Variants in C15orf40 observed in about 807,000 individuals in gnomAD.
The protein encoded by C15orf40 is chromosome 15 open reading frame 40.
C15orf40 carries 9 observed loss-of-function variants against 13.9 expected under a neutral mutation model. That is an observed-to-expected ratio of 0.65 (90% CI 0.39 to 1.13). The LOEUF is 1.13. Ranked by LOEUF, C15orf40 falls within the 50% of genes most tolerant of loss-of-function variation. The pLI is 0.01. For missense variants in C15orf40, 225 were observed against 188.5 expected (o/e 1.19, Z -1.13); for synonymous variants, 95 against 69.2 (o/e 1.37, Z -1.85).
intron 2 of C15orf40, among the ~76,000 whole-genome samples, chr15:83,009,029 A>G (rs1043790936): frequency 6.6e-6 from 1 of 152,190 alleles, no homozygotes; most frequent in Non-Finnish European, 1.5e-5. Flanking sequence ...AGCCTCATCA[A>G]TGTCACTGAA....
At chr15:83,007,477 T>C (rs935530136) in intron 3 of C15orf40, among the ~76,000 whole-genome samples, 1 of 152,190 alleles carries the variant, frequency 6.6e-6, no homozygotes, top group Non-Finnish European at 1.5e-5. Flanking sequence ...GGAGACTAAA[T>C]AGGAAGAATT....
In C15orf40 at chr15:83,010,690, A is replaced by G. The variant is rs1430408296; in HGVS notation, c.112-327T>C. On this transcript the variant is annotated intron_variant, in intron 1 of 3. Coordinates refer to ENST00000304177, the MANE Select transcript of C15orf40 (RefSeq NM_144597.3). Reference sequence around the variant, plus strand: ...GGGATCATTTATTATTCATCATTGTATCTCATGCAGTCGGAGCTAATAAAT... The same window carrying G: ...GGGATCATTTATTATTCATCATTGTGTCTCATGCAGTCGGAGCTAATAAAT... 5 of 229,536 alleles carry G rather than the reference A, an allele frequency of 2.2e-5. No homozygotes were observed. The East Asian group carries it at 5.4e-4, about 25-fold the overall frequency. 14.2% of individuals were successfully genotyped at this position (229,536 alleles called of 1,614,324 possible). A position where few individuals can be genotyped will look rare whatever the true frequency, so the allele number is the denominator to read the frequency against.
rs1418307530 is a variant in C15orf40 at position 82,996,744 on chromosome 15, G to A, written c.*8853C>T. 1.3e-5 allele frequency: 2 copies of A among 151,662 alleles called. No individual in the cohort carries two copies. The highest frequency in any genetic ancestry group is 2.4e-5 in the African/African-American group (1 of 41,380). The allele number at this position is 151,662 out of a possible 1,614,324, so 9.4% of individuals were successfully genotyped here. A position where few individuals can be genotyped will look rare whatever the true frequency, so the allele number is the denominator to read the frequency against. On this transcript the variant is annotated 3_prime_UTR_variant, in exon 4 of 4. Transcript: ENST00000304177. The stretch of plus-strand genomic sequence containing the variant: ...ATTTTGGCTGGATGCAGTGGTTCAC[G>A]CCTGTAATCCCAGTAATTTGGGAGG...
intron 2 of C15orf40, among the ~76,000 whole-genome samples, chr15:83,009,048 T>C (rs1364318782): frequency 1.3e-5 from 2 of 152,148 alleles, no homozygotes; most frequent in African/African-American, 4.8e-5. Context: ...AAGAAGTGTA[T>C]GGACAGGGCA....
chr15:82,990,010 T>G (rs780271255), downstream of C15orf40: 1 of 1,582,116 alleles, frequency 6.3e-7, no homozygotes, highest in South Asian at 1.1e-5. Flanking sequence ...AACCTTACTA[T>G]CCCCAGCAAT....
chr15:83,003,803 A>T lies in C15orf40; in HGVS notation c.*1794T>A, dbSNP rs1238037518. 1 of 152,148 alleles carries T rather than the reference A, an allele frequency of 6.6e-6. No homozygotes were observed. Among genetic ancestry groups the T allele is most frequent in the Non-Finnish European group, 1.5e-5 (1 of 68,068 alleles). The allele number at this position is 152,148 out of a possible 1,614,324, so 9.4% of individuals were successfully genotyped here. A position where few individuals can be genotyped will look rare whatever the true frequency, so the allele number is the denominator to read the frequency against. ...ACTCTTGTCGCCGAGGCTGGAGTGCAGTGGCACCGTGTGGGCTCACTGCAA... is the reference window on the plus strand; with the variant it reads ...ACTCTTGTCGCCGAGGCTGGAGTGCTGTGGCACCGTGTGGGCTCACTGCAA... On this transcript the variant is annotated 3_prime_UTR_variant, in exon 4 of 4. Coordinates refer to ENST00000304177, the MANE Select transcript of C15orf40 (RefSeq NM_144597.3).
rs1256001107 is a variant in C15orf40 at position 83,003,539 on chromosome 15, G to A, written c.*2058C>T. The A allele has an allele frequency of 6.6e-6, 1 of 152,206 alleles. No homozygotes were observed. The highest frequency in any genetic ancestry group is 2.4e-5 in the African/African-American group (1 of 41,438). The allele number at this position is 152,206 out of a possible 1,614,324, so 9.4% of individuals were successfully genotyped here. ...CATGGCAATGGTCTTGAGAAAGAGT[G>A]GGAAAAGCTCTTAAGACCATGTAAA... is the stretch of plus-strand genomic sequence containing the variant. On this transcript the variant is annotated 3_prime_UTR_variant, in exon 4 of 4. Coordinates refer to ENST00000304177, the MANE Select transcript of C15orf40 (RefSeq NM_144597.3).
chr15:82,989,401 GTTTT>G (rs1166539956), downstream of C15orf40, among the ~76,000 whole-genome samples: 1 of 152,078 alleles, frequency 6.6e-6, no homozygotes, highest in Admixed American at 6.6e-5. Flanking sequence ...AAGTGCGTGT[GTTTT>G]TTTGTTTTTA....
intron 3 of C15orf40, chr15:83,008,240 C>T (rs1057001039): frequency 3.1e-5 from 8 of 255,298 alleles, no homozygotes; most frequent in Non-Finnish European, 6.1e-5. Flanking sequence ...GAGAGACCTC[C>T]GGGCATGGTG....
At chr15:82,990,540 T>C (rs1199449336), downstream of C15orf40, 1 of 895,626 alleles carries the variant, frequency 1.1e-6, no homozygotes, top group East Asian at 2.8e-5. Context: ...GGTAAAACAA[T>C]TGCTTTTTTT....
chr15:82,989,589 T>TA (rs1218065368), downstream of C15orf40, among the ~76,000 whole-genome samples: 9 of 152,232 alleles, frequency 5.9e-5, no homozygotes, highest in African/African-American at 2.2e-4. Context: ...AGGAATAAAT[T>TA]ACCATACCAT....
At chr15:83,007,885 C>G (rs2031775595) in intron 3 of C15orf40, 1 of 151,716 alleles carries the variant, frequency 6.6e-6, no homozygotes, top group Admixed American at 6.6e-5. Context: ...GAGCAAGACT[C>G]CATCTCAAAA....
In C15orf40 at chr15:83,000,669, A is replaced by C. The variant is rs545510430; in HGVS notation, c.*4928T>G. The C allele has an allele frequency of 1.3e-5, 2 of 152,334 alleles. No homozygotes were observed. The highest frequency in any genetic ancestry group is 4.1e-4 in the South Asian group (2 of 4,828). 9.4% of individuals were successfully genotyped at this position (152,334 alleles called of 1,614,324 possible). A position where few individuals can be genotyped will look rare whatever the true frequency, so the allele number is the denominator to read the frequency against. On this transcript the variant is annotated 3_prime_UTR_variant, in exon 4 of 4. Coordinates refer to ENST00000304177, the MANE Select transcript of C15orf40 (RefSeq NM_144597.3). The stretch of plus-strand genomic sequence containing the variant: ...AGTCACTAGTTACATGCATTAAAAC[A>C]ATTTGAATTTGGGGCCATGTGGGTT...
Position 83,011,596 on chromosome 15 carries a change from G to A in C15orf40, c.12C>T (p.Leu4=), listed in dbSNP as rs997454474. The change falls in exon 1 of 4, where the codon CTC becomes CTT. Residue 4 remains leucine, a synonymous_variant. Transcript: ENST00000304177. The part of the protein sequence containing the change: MLR[L]RSGLRHLRAT... ...CCCGAAGGTGCCTCAGCCCGCTGCG[G>A]AGCCGCAGCATCCCCGCCTGGGAAG... The A allele has an allele frequency of 3.2e-6, 5 of 1,585,652 alleles. No individual in the cohort carries two copies. Among genetic ancestry groups the A allele is most frequent in the East Asian group, 2.3e-5 (1 of 43,668 alleles).
chr15:83,007,569 G>A (rs1408055221), intron 3 of C15orf40, among the ~76,000 whole-genome samples: 1 of 152,126 alleles, frequency 6.6e-6, no homozygotes, highest in Non-Finnish European at 1.5e-5. Context: ...AGAAAAATCA[G>A]TATTTTATGA....
chr15:83,008,697 C>G, intron 2 of C15orf40, 22 bp from the exon 3 acceptor site: 1 of 1,580,592 alleles, frequency 6.3e-7, no homozygotes, highest in East Asian at 2.2e-5. Context: ...ATAGTGTGGA[C>G]TTTATCCTTA....
At chr15:83,008,732 A>T (rs2151291411) in intron 2 of C15orf40, 57 bp from the exon 3 acceptor site, 1 of 1,518,524 alleles carries the variant, frequency 6.6e-7, no homozygotes, top group Non-Finnish European at 8.8e-7. Flanking sequence ...TTCATGAAGC[A>T]AGGACATTTT....
At chr15:82,992,140 C>T (rs1004850070), downstream of C15orf40, 8 of 368,308 alleles carry the variant, frequency 2.2e-5, no homozygotes, top group East Asian at 2.9e-4. Context: ...CCCTTGAGTC[C>T]GGGAAGAGTT....
At chr15:82,993,778 C>G (rs7169539), downstream of C15orf40, among the ~76,000 whole-genome samples, 12,104 of 152,180 alleles carry the variant, frequency 0.08, 562 homozygotes, top group Middle Eastern at 0.13. Flanking sequence ...GCACTCCAGC[C>G]TAAGTGACAG....
Sources: allele counts gnomAD v4.1 joint callset (sites outside exome capture counted in the v4.1 genomes callset), GRCh38; gene constraint gnomAD v4.1.1; transcripts MANE v1.5; gene names NCBI Gene and HGNC (gene_info 2026-07-23, HGNC 2026-07-21).